Variants in CR1 observed in about 807,000 individuals in gnomAD.
The protein encoded by CR1 is complement receptor type 1.
In CR1, 116 loss-of-function variants were observed where a neutral mutation model predicts 187.3. The ratio of observed to expected loss-of-function variants is 0.62; its 90% CI spans 0.53 to 0.72. CR1 has a LOEUF of 0.72. Ranked by LOEUF, CR1 falls within the 30% of genes least tolerant of loss-of-function variation. The pLI, the probability that CR1 is intolerant of heterozygous loss-of-function variation, is 0.00. For synonymous variants in CR1, 576 were observed against 747.1 expected, an observed-to-expected ratio of 0.77 and a Z score of 3.73; for missense variants, 1,731 against 2,110.7, an observed-to-expected ratio of 0.82 and a Z score of 3.52.
chr1:207,600,238 C>T lies in CR1; in HGVS notation c.5811-7013C>T, dbSNP rs373163640. On this transcript the variant is annotated intron_variant, in intron 35 of 46. Coordinates refer to ENST00000367049, the MANE Select transcript of CR1 (RefSeq NM_000651.6). ...TTGAGAGCATTATTTTTCTTCAATT[C>T]TTGTCATTATGCAAAGTCAGAGAAT... 4.2e-4 allele frequency among the ~76,000 whole-genome samples: 64 copies of T among 152,194 alleles called. 2 individuals are homozygous for T. The highest frequency in any genetic ancestry group is 1.5e-3 in the African/African-American group (61 of 41,542).
At chr1:207,584,362 A>G (rs1661046798) in intron 32 of CR1, among the ~76,000 whole-genome samples, 1 of 152,176 alleles carries the variant, frequency 6.6e-6, no homozygotes, top group Admixed American at 6.5e-5. Flanking sequence ...GAAGATTTTT[A>G]TTTACTTTAA....
At chr1:207,584,111 A>T (rs1297512291) in intron 32 of CR1, among the ~76,000 whole-genome samples, 1 of 152,232 alleles carries the variant, frequency 6.6e-6, no homozygotes, top group Non-Finnish European at 1.5e-5. Context: ...TCATTGTGAC[A>T]GCATTACTGC....
intron 36 of CR1, among the ~76,000 whole-genome samples, chr1:207,608,069 G>A (rs1382306110): frequency 6.6e-6 from 1 of 152,084 alleles, no homozygotes; most frequent in Non-Finnish European, 1.5e-5. Context: ...TTTAGCCCAA[G>A]AAAATAATCA....
At chr1:207,500,055 A>G (rs189730703) in intron 1 of CR1, among the ~76,000 whole-genome samples, 2 of 152,260 alleles carry the variant, frequency 1.3e-5, no homozygotes, top group African/African-American at 4.8e-5. Context: ...TCTAATCACA[A>G]CTGATCACAA....
At chr1:207,566,084 T>G (rs894742450) in intron 24 of CR1, among the ~76,000 whole-genome samples, 161 bp downstream of exon 24, 2 of 150,376 alleles carry the variant, frequency 1.3e-5, no homozygotes, top group Non-Finnish European at 2.9e-5. Flanking sequence ...AATATGTACA[T>G]CACCTGTCTT....
Position 207,567,922 on chromosome 1 carries a change from G to T in CR1, c.4051G>T (p.Asp1351Tyr), listed in dbSNP as rs571845275. 5 of 1,610,538 alleles carry T rather than the reference G, an allele frequency of 3.1e-6. No individual in the cohort carries two copies. Among genetic ancestry groups the T allele is most frequent in the Non-Finnish European group, 3.4e-6 (4 of 1,179,622 alleles). Residue 1351 changes from aspartate to tyrosine, a missense_variant, in exon 25 of 47, where the codon GAC (aspartate) becomes TAC (tyrosine). Physicochemically the swap from Asp to Tyr is radical, Grantham distance 160. Coordinates refer to ENST00000367049, the MANE Select transcript of CR1 (RefSeq NM_000651.6). Reference sequence around the variant, plus strand: ...TGGAAAAGCAGTAAATTACACATGCGACCCCCACCCAGACAGAGGGACGAG... The same window carrying T: ...TGGAAAAGCAGTAAATTACACATGCTACCCCCACCCAGACAGAGGGACGAG... The part of the protein sequence containing the change: ...PFGKAVNYTC[D>Y]PHPDRGTSFD...
intron 32 of CR1, 63 bp downstream of exon 32, chr1:207,582,066 C>T (rs1479132962): frequency 3.3e-6 from 4 of 1,229,740 alleles, no homozygotes; most frequent in Non-Finnish European, 4.7e-6. Flanking sequence ...ATAGTTTGCC[C>T]CATGGGATTA....
intron 23 of CR1, among the ~76,000 whole-genome samples, chr1:207,564,808 A>T (rs1385491341): frequency 3.3e-5 from 5 of 150,060 alleles, no homozygotes; most frequent in African/African-American, 1.3e-4. Flanking sequence ...TCAGGAAAAA[A>T]ATCATATTTT....
chr1:207,590,157 T>A (rs1429839575), intron 35 of CR1, among the ~76,000 whole-genome samples: 1 of 152,030 alleles, frequency 6.6e-6, no homozygotes, highest in East Asian at 1.9e-4. Context: ...CACGTAATTG[T>A]CAGATTCACC....
chr1:207,505,179 A>C (rs1163461743), intron 1 of CR1, among the ~76,000 whole-genome samples: 2 of 152,190 alleles, frequency 1.3e-5, no homozygotes, highest in African/African-American at 4.8e-5. Context: ...ATTAAGATGG[A>C]ATCTTGCTCT....
chr1:207,638,205 T>C (rs567646628), intron 46 of CR1, among the ~76,000 whole-genome samples: 1 of 152,366 alleles, frequency 6.6e-6, no homozygotes. Context: ...TCCTGTTGTA[T>C]GTGAAACTTT....
intron 34 of CR1, 37 bp from the exon 35 acceptor site, chr1:207,588,638 C>A: frequency 7.1e-7 from 1 of 1,408,286 alleles, no homozygotes; most frequent in Non-Finnish European, 1.0e-6. Flanking sequence ...GTAAGTTGAA[C>A]TCTATATTTA....
intron 44 of CR1, among the ~76,000 whole-genome samples, chr1:207,622,493 G>C (rs1033008541): frequency 6.6e-6 from 1 of 152,128 alleles, no homozygotes; most frequent in Admixed American, 6.5e-5. Flanking sequence ...CCCTTTTTAC[G>C]CATCTGGACA....
Position 207,587,394 on chromosome 1 carries a change from A to G in CR1, c.5539A>G (p.Lys1847Glu). ...CELSVRAGHC[K>E]TPEQFPFASP... ...GTGGTTTTTCTCTCCAGGTCACTGTAAAACCCCAGAGCAGTTTCCATTTGC... is the reference window on the plus strand; with the variant it reads ...GTGGTTTTTCTCTCCAGGTCACTGTGAAACCCCAGAGCAGTTTCCATTTGC... The change falls in exon 34 of 47, where the codon AAA becomes GAA. Residue 1847 changes from lysine to glutamate, a missense_variant. Physicochemically the swap from Lys to Glu is moderately conservative, Grantham distance 56. Transcript: ENST00000367049. The G allele has an allele frequency of 6.2e-7, 1 of 1,612,208 alleles. No individual in the cohort carries two copies. The highest frequency in any genetic ancestry group is 8.5e-7 in the Non-Finnish European group (1 of 1,178,964).
chr1:207,638,562 C>T (rs990058717), intron 46 of CR1, among the ~76,000 whole-genome samples: 14 of 152,320 alleles, frequency 9.2e-5, no homozygotes, highest in African/African-American at 2.9e-4. Context: ...CTCTGAGACC[C>T]GACTTGCCCA....
In CR1 at chr1:207,616,666, C is replaced by T. The variant is rs371193099; in HGVS notation, c.6753C>T (p.Tyr2251=). ...GDIPYGKEIS[Y]ACDTHPDRGM... is the part of the protein sequence containing the mutation. ...TTCCCTATGGAAAAGAAATATCTTACGCATGCGACACCCACCCAGACAGAG... is the reference window on the plus strand; with the variant it reads ...TTCCCTATGGAAAAGAAATATCTTATGCATGCGACACCCACCCAGACAGAG... Residue 2251 remains tyrosine, a synonymous_variant, in exon 41 of 47, where the codon TAC becomes TAT. Coordinates refer to ENST00000367049, the MANE Select transcript of CR1 (RefSeq NM_000651.6). 178 of 1,613,928 alleles carry T rather than the reference C, an allele frequency of 1.1e-4. No homozygotes were observed. In the Middle Eastern group the frequency reaches 1.3e-3, roughly 12 times the overall value.
At chr1:207,611,391 A>G (rs1661925605) in intron 37 of CR1, among the ~76,000 whole-genome samples, 1 of 152,210 alleles carries the variant, frequency 6.6e-6, no homozygotes, top group South Asian at 2.1e-4. Flanking sequence ...TCTGTGCTCC[A>G]TAACCAGTAG....
chr1:207,587,867 T>G (rs1209651584), intron 34 of CR1, among the ~76,000 whole-genome samples: 2 of 152,254 alleles, frequency 1.3e-5, no homozygotes, highest in African/African-American at 4.8e-5. Context: ...CCCTTCTTCT[T>G]GCTTGTAGTT....
chr1:207,594,617 G>A (rs1022917055), intron 35 of CR1, among the ~76,000 whole-genome samples: 4 of 151,940 alleles, frequency 2.6e-5, no homozygotes, highest in African/African-American at 9.7e-5. Flanking sequence ...AAAAAAGACT[G>A]TGTACTCATT....
Sources: allele counts gnomAD v4.1 joint callset (sites outside exome capture counted in the v4.1 genomes callset), GRCh38; gene constraint gnomAD v4.1.1; transcripts MANE v1.5; gene names NCBI Gene and HGNC (gene_info 2026-07-23, HGNC 2026-07-21).